Variants in KCNQ5 observed in about 807,000 individuals in gnomAD.
KCNQ5 encodes the protein potassium voltage-gated channel subfamily KQT member 5.
Under a neutral mutation model 98.2 loss-of-function variants are expected in KCNQ5, and 30 were observed. The observed-to-expected ratio is 0.31, with a 90% CI of 0.23 to 0.41. The LOEUF (loss-of-function observed/expected upper bound fraction) is 0.41. Among genes scored for constraint, KCNQ5 ranks in the 10% least tolerant of loss-of-function variants. KCNQ5 has a pLI of 1.00. For synonymous variants in KCNQ5, 458 were observed against 449.4 expected, an observed-to-expected ratio of 1.02 and a Z score of -0.24; for missense variants, 835 against 1,182.5, an observed-to-expected ratio of 0.71 and a Z score of 4.31.
At position 72,627,398 on chromosome 6, in the gene KCNQ5, C is replaced by T. The variant is rs2098918490; in HGVS notation, c.398+4811C>T. Among the ~76,000 whole-genome samples, 3 of 152,096 alleles carry T rather than the reference C, an allele frequency of 2.0e-5. No individual in the cohort carries two copies. The South Asian group carries it at 6.2e-4, about 32-fold the overall frequency. On this transcript the variant is annotated intron_variant, in intron 1 of 13. Coordinates refer to ENST00000370398, the MANE Select transcript of KCNQ5 (RefSeq NM_019842.4). ...ACCTGGGAAAAGCTTTACAGCAACC[C>T]AAAGGCCGAGGGAAAGCCTGGGAGA...
intron 1 of KCNQ5, among the ~76,000 whole-genome samples, chr6:72,983,953 A>C (rs1768609137): frequency 6.6e-6 from 1 of 151,932 alleles, no homozygotes. Flanking sequence ...GATCTATTGG[A>C]GTTTGCTGGC....
At chr6:73,075,918 GC>G (rs1773519894) in intron 3 of KCNQ5, among the ~76,000 whole-genome samples, 1 of 152,162 alleles carries the variant, frequency 6.6e-6, no homozygotes, top group Admixed American at 6.5e-5. Context: ...GTTGGTGCAT[GC>G]CTGTAGTCCT....
intron 6 of KCNQ5, among the ~76,000 whole-genome samples, chr6:73,110,328 T>C (rs1017610124): frequency 3.3e-5 from 5 of 152,208 alleles, no homozygotes; most frequent in Non-Finnish European, 1.5e-5. Flanking sequence ...GCCCAGAGAC[T>C]GAATTTAGCA....
At chr6:72,687,818 A>G (rs1302627948) in intron 1 of KCNQ5, among the ~76,000 whole-genome samples, 1 of 149,732 alleles carries the variant, frequency 6.7e-6, no homozygotes, top group Non-Finnish European at 1.5e-5. Context: ...GCAAAATGCT[A>G]GTCTTTTTAT....
chr6:73,069,009 G>T (rs1371560391), intron 3 of KCNQ5, among the ~76,000 whole-genome samples: 1 of 151,946 alleles, frequency 6.6e-6, no homozygotes, highest in African/African-American at 2.4e-5. Flanking sequence ...TCTCTGCCTT[G>T]CCAACATTGA....
chr6:73,008,853 C>T (rs1477502016), intron 2 of KCNQ5, among the ~76,000 whole-genome samples: 1 of 152,158 alleles, frequency 6.6e-6, no homozygotes, highest in African/African-American at 2.4e-5. Flanking sequence ...CAAGTTAAGT[C>T]TCAACAATTT....
intron 2 of KCNQ5, among the ~76,000 whole-genome samples, chr6:73,028,822 C>A (rs1017449450): frequency 6.6e-6 from 1 of 152,180 alleles, no homozygotes; most frequent in Non-Finnish European, 1.5e-5. Flanking sequence ...TCAGTCCTCT[C>A]ATATATCATT....
chr6:72,765,928 T>C (rs1772545066), intron 1 of KCNQ5, among the ~76,000 whole-genome samples: 3 of 152,064 alleles, frequency 2.0e-5, no homozygotes, highest in Admixed American at 2.0e-4. Context: ...TTCATTCATC[T>C]GTTTATGCCT....
At chr6:72,808,588 G>A (rs892896382) in intron 1 of KCNQ5, among the ~76,000 whole-genome samples, 2 of 152,054 alleles carry the variant, frequency 1.3e-5, no homozygotes, top group African/African-American at 2.4e-5. Context: ...TTATTTGTGT[G>A]TCTAGTGCCC....
intron 1 of KCNQ5, among the ~76,000 whole-genome samples, chr6:72,808,941 C>T (rs866164263): frequency 1.3e-5 from 2 of 151,446 alleles, no homozygotes; most frequent in East Asian, 3.9e-4. Flanking sequence ...CACATGCACA[C>T]GTATGTTTAT....
intron 1 of KCNQ5, chr6:72,986,918 G>T: frequency 1.2e-6 from 1 of 853,196 alleles, no homozygotes; most frequent in South Asian, 1.5e-5. Context: ...GAAGAAGGGT[G>T]AGGAACAGGC....
At chr6:72,667,144 T>C (rs12194741) in intron 1 of KCNQ5, among the ~76,000 whole-genome samples, 26,639 of 152,188 alleles carry the variant, frequency 0.18, 2,479 homozygotes, top group Middle Eastern at 0.28. Flanking sequence ...CACTCTGTCC[T>C]CACATCTGTT....
At chr6:72,692,526 G>A (rs1768263213) in intron 1 of KCNQ5, among the ~76,000 whole-genome samples, 1 of 152,168 alleles carries the variant, frequency 6.6e-6, no homozygotes, top group South Asian at 2.1e-4. Context: ...AGGAATCAGT[G>A]GGTTTTTTAA....
chr6:73,193,580 G>A (rs117844504), intron 13 of KCNQ5, among the ~76,000 whole-genome samples: 4,640 of 151,416 alleles, frequency 0.031, 93 homozygotes, highest in East Asian at 0.068. Flanking sequence ...CCTCAAGTCT[G>A]TTGCATCTTC....
At chr6:72,889,525 G>C (rs1414879099) in intron 1 of KCNQ5, among the ~76,000 whole-genome samples, 1 of 152,058 alleles carries the variant, frequency 6.6e-6, no homozygotes, top group Non-Finnish European at 1.5e-5. Context: ...TACCACCAAG[G>C]CCATGGTAAG....
intron 5 of KCNQ5, among the ~76,000 whole-genome samples, chr6:73,100,659 ACT>A (rs1350056024): frequency 2.0e-5 from 3 of 149,112 alleles, no homozygotes; most frequent in Non-Finnish European, 2.9e-5. Context: ...ACAGAGTGAG[ACT>A]CTGTCTCAAA....
chr6:72,640,225 A>G (rs1046531414), intron 1 of KCNQ5, among the ~76,000 whole-genome samples: 27 of 152,044 alleles, frequency 1.8e-4, no homozygotes, highest in African/African-American at 6.5e-4. Flanking sequence ...CACACTGAAC[A>G]TGTGTGACCT....
rs758036031 is a variant in KCNQ5, at chr6:72,705,590, G to GTTTT, written c.398+83011_398+83014dup. Among the ~76,000 whole-genome samples, 66 of 93,090 alleles carry GTTTT rather than the reference G, an allele frequency of 7.1e-4. 1 individual carries two copies. The highest frequency in any genetic ancestry group is 5.0e-3 in the African/African-American group (63 of 12,690). The allele number at this position is 93,090 out of a possible 152,430, so 61.1% of individuals were successfully genotyped here. A position where few individuals can be genotyped will look rare whatever the true frequency, so the allele number is the denominator to read the frequency against. ...TTTTTTGTTTTTTGTTGTTGTTTTT[G>GTTTT]TTTTTTTTTTTGTTGTTGTTGTTTT... is the stretch of plus-strand genomic sequence containing the variant. On this transcript the variant is annotated intron_variant, in intron 1 of 13. Transcript: ENST00000370398.
chr6:73,096,745 T>C (rs1025073162), intron 5 of KCNQ5, among the ~76,000 whole-genome samples: 2 of 152,230 alleles, frequency 1.3e-5, no homozygotes, highest in African/African-American at 4.8e-5. Context: ...CAAATACATA[T>C]CAATTTTTGT....
Sources: gnomAD v4.1 joint callset for allele counts (sites outside exome capture counted in the v4.1 genomes callset) on GRCh38, gnomAD v4.1.1 for gene constraint, MANE v1.5 for transcripts, NCBI Gene and HGNC (gene_info 2026-07-23, HGNC 2026-07-21) for gene names.